Variants in AGAP3 observed in about 807,000 individuals in gnomAD.
The protein encoded by AGAP3 is ArfGAP with GTPase domain, ankyrin repeat and PH domain 3.
A neutral mutation model predicts 96.9 loss-of-function variants in AGAP3; 24 were observed. That is an observed-to-expected ratio of 0.25 (90% CI 0.18 to 0.35). AGAP3 has a LOEUF of 0.35. AGAP3 is among the 10% of genes least tolerant of loss of function. AGAP3 has a pLI of 1.00. For synonymous variants in AGAP3, 563 were observed against 536.1 expected (o/e 1.05, Z -0.69); for missense variants, 876 against 1,254.2 (o/e 0.70, Z 4.55).
intron 1 of AGAP3, among the ~76,000 whole-genome samples, chr7:151,109,268 C>T (rs138757409): frequency 6.6e-6 from 1 of 152,182 alleles, no homozygotes; most frequent in East Asian, 1.9e-4. Flanking sequence ...GAGGCCGAGG[C>T]AGGAGGATTG....
In AGAP3 at chr7:151,138,217, C is replaced by A; in HGVS notation, c.1570C>A (p.Arg524Ser). 6.2e-7 allele frequency: 1 copy of A among 1,611,958 alleles called. No homozygotes were observed. The highest frequency in any genetic ancestry group is 8.5e-7 in the Non-Finnish European group (1 of 1,179,518). The change falls in exon 12 of 18, where the codon CGC becomes AGC. Residue 524 changes from arginine (R) to serine (S), a missense_variant. Physicochemically the swap from Arg to Ser is moderately radical, Grantham distance 110. Transcript: ENST00000397238. Reference protein sequence around the residue: ...PLSSSAWAGPRPEGLHQRSCS... With the variant: ...PLSSSAWAGPSPEGLHQRSCS... The stretch of plus-strand genomic sequence containing the variant: ...CAGCAGCTCGGCCTGGGCTGGCCCG[C>A]GCCCTGAGGGGCTGCACCAGCGCTC...
chr7:151,124,221 G>A (rs563516480), intron 9 of AGAP3, among the ~76,000 whole-genome samples: 1 of 152,346 alleles, frequency 6.6e-6, no homozygotes, highest in East Asian at 1.9e-4. Context: ...TAAGGAAAAT[G>A]AGCAACCCGA....
chr7:151,134,857 C>T (rs548273443), intron 11 of AGAP3, among the ~76,000 whole-genome samples: 4 of 152,104 alleles, frequency 2.6e-5, no homozygotes, highest in East Asian at 3.9e-4. Context: ...CATCTGGATC[C>T]GAGGCAGGCG....
intron 11 of AGAP3, among the ~76,000 whole-genome samples, chr7:151,137,453 C>T (rs1800643518): frequency 6.6e-6 from 1 of 152,212 alleles, no homozygotes; most frequent in Non-Finnish European, 1.5e-5. Flanking sequence ...GGCCTTGTAC[C>T]ACAGGCCTCT....
At position 151,118,116 on chromosome 7, in the gene AGAP3, C is replaced by T; in HGVS notation, c.707-94C>T. 1.3e-6 allele frequency: 2 copies of T among 1,495,394 alleles called. No homozygotes were observed. Among genetic ancestry groups the T allele is most frequent in the African/African-American group, 2.8e-5 (2 of 71,672 alleles). 92.6% of individuals were successfully genotyped at this position (1,495,394 alleles called of 1,614,324 possible). On this transcript the variant is annotated intron_variant, in intron 5 of 17. Transcript: ENST00000397238. This position sits in a 1 kb window ranked among gnomAD's most constrained non-coding sequence, Gnocchi z 6.1. ...GCTCTGTGTGTTCCACTCACCAGGC[C>T]CTTTGCACACCTGCCCTTGGGCCAA...
At chr7:151,122,830 G>C in intron 8 of AGAP3, 1 of 1,612,362 alleles carries the variant, frequency 6.2e-7, no homozygotes. Context: ...CATGCCCCCT[G>C]TGCGGGGCCG....
In AGAP3 at chr7:151,123,361, G is replaced by A. The variant is rs1800007398; in HGVS notation, c.1129-433G>A. 3.8e-6 allele frequency: 4 copies of A among 1,044,566 alleles called. No homozygotes were observed. In the South Asian group the frequency reaches 1.0e-4, roughly 27 times the overall value. 64.7% of individuals were successfully genotyped at this position (1,044,566 alleles called of 1,614,324 possible). A position where few individuals can be genotyped will look rare whatever the true frequency, so the allele number is the denominator to read the frequency against. On this transcript the variant is annotated intron_variant, in intron 8 of 17. Transcript: ENST00000397238. ...ACTGTGCCCCTTGGGCCACGCCGAC[G>A]CGCTCGGTGCCACGTGCCGTGTGGT...
intron 10 of AGAP3, among the ~76,000 whole-genome samples, chr7:151,129,921 G>A (rs989175521): frequency 3.3e-5 from 5 of 152,340 alleles, no homozygotes; most frequent in Admixed American, 2.0e-4. Flanking sequence ...CTGTTGAAAG[G>A]CTCCAAGGCT....
At chr7:151,094,065 TGTGGGGA>T (rs755038326) in intron 1 of AGAP3, among the ~76,000 whole-genome samples, 95 of 152,272 alleles carry the variant, frequency 6.2e-4, no homozygotes, top group Non-Finnish European at 9.4e-4. Context: ...GAAGAGATCC[TGTGGGGA>T]GAGGTGAGAT....
At chr7:151,122,591 T>A in intron 8 of AGAP3, 1 of 971,682 alleles carries the variant, frequency 1.0e-6, no homozygotes, top group Non-Finnish European at 1.5e-6. Context: ...GTCCTTCTCC[T>A]CCTCCTCCTC....
In AGAP3 at chr7:151,142,202, G is replaced by A. The variant is rs1383882244; in HGVS notation, c.1999G>A (p.Ala667Thr). The A allele has an allele frequency of 9.3e-6, 15 of 1,613,718 alleles. No individual in the cohort carries two copies. Among genetic ancestry groups the A allele is most frequent in the Non-Finnish European group, 1.3e-5 (15 of 1,180,010 alleles). Reference sequence around the variant, plus strand: ...CCAGAACGCAGCTCTGGCTGTGCAGGCCGTCCGCACCGTCCGCGGCAACAG... The same window carrying A: ...CCAGAACGCAGCTCTGGCTGTGCAGACCGTCCGCACCGTCCGCGGCAACAG... ...GNQNAALAVQ[A>T]VRTVRGNSFC... The change falls in exon 15 of 18, where the codon GCC becomes ACC. Residue 667 changes from alanine to threonine, a missense_variant. Transcript: ENST00000397238. This position sits in a 1 kb window ranked among gnomAD's most constrained non-coding sequence, Gnocchi z 7.5.
At position 151,132,135 on chromosome 7, in the gene AGAP3, G is replaced by A. The variant is rs77913227; in HGVS notation, c.1327-2265G>A. Reference sequence around the variant, plus strand: ...CGGGGCCAGTGGCCTGCAGCCCAGGGTGCTGGAGAAGGATGGATGGAGGTA... The same window carrying A: ...CGGGGCCAGTGGCCTGCAGCCCAGGATGCTGGAGAAGGATGGATGGAGGTA... On this transcript the variant is annotated intron_variant, in intron 10 of 17. Transcript: ENST00000397238. Among the ~76,000 whole-genome samples, 1,475 of 152,302 alleles carry A rather than the reference G, an allele frequency of 9.7e-3. 50 individuals carry two copies. In the East Asian group the frequency reaches 0.11, roughly 11 times the overall value.
At chr7:151,088,657 A>T (rs1427091553) in intron 1 of AGAP3, among the ~76,000 whole-genome samples, 2 of 152,178 alleles carry the variant, frequency 1.3e-5, no homozygotes, top group Non-Finnish European at 2.9e-5. Context: ...GTGGGGGCAC[A>T]TCTGCTTCCG....
At chr7:151,102,197 G>A (rs1222733061) in intron 1 of AGAP3, among the ~76,000 whole-genome samples, 2 of 152,226 alleles carry the variant, frequency 1.3e-5, no homozygotes, top group Non-Finnish European at 2.9e-5. Flanking sequence ...TGGCGAGCAG[G>A]TTTCTGCGCA....
At chr7:151,103,886 C>T (rs576492922) in intron 1 of AGAP3, among the ~76,000 whole-genome samples, 169 of 152,310 alleles carry the variant, frequency 1.1e-3, no homozygotes, top group African/African-American at 3.9e-3. Flanking sequence ...GGCTGGCTGG[C>T]GCTGGGTGTT....
At position 151,086,478 on chromosome 7, in the gene AGAP3, G is replaced by A. The variant is rs1798146869; in HGVS notation, c.-264G>A. Among the ~76,000 whole-genome samples, 1 of 147,732 alleles carries A rather than the reference G, an allele frequency of 6.8e-6. No homozygotes were observed. The highest frequency in any genetic ancestry group is 2.1e-4 in the South Asian group (1 of 4,826). On this transcript the variant is annotated 5_prime_UTR_variant, in exon 1 of 18. Transcript: ENST00000397238. ...GCCGCGCGCTCCCGGTCCCGTTGTTGTTGCCGCTGGAGGCTGCTCCGAGGC... is the reference window on the plus strand; with the variant it reads ...GCCGCGCGCTCCCGGTCCCGTTGTTATTGCCGCTGGAGGCTGCTCCGAGGC...
At chr7:151,107,620 T>G (rs1156938659) in intron 1 of AGAP3, among the ~76,000 whole-genome samples, 5 of 151,598 alleles carry the variant, frequency 3.3e-5, no homozygotes, top group Non-Finnish European at 5.9e-5. Flanking sequence ...TGAGACCGTC[T>G]CAAAAAAATT....
At chr7:151,110,184 C>T (rs1585059517) in intron 1 of AGAP3, among the ~76,000 whole-genome samples, 3 of 152,220 alleles carry the variant, frequency 2.0e-5, no homozygotes, top group Admixed American at 1.3e-4. Context: ...GCCTTCCTCC[C>T]CACAAAGAGG....
At chr7:151,122,088 C>G (rs1161948225) in intron 8 of AGAP3, among the ~76,000 whole-genome samples, 1 of 152,220 alleles carries the variant, frequency 6.6e-6, no homozygotes, top group Non-Finnish European at 1.5e-5. Context: ...TGGTCGGGGC[C>G]TCTTGGCTCA....
Sources: allele counts gnomAD v4.1 joint callset (sites outside exome capture counted in the v4.1 genomes callset), GRCh38; gene constraint gnomAD v4.1.1; non-coding constraint Gnocchi (gnomAD v3.1); transcripts MANE v1.5; gene names NCBI Gene and HGNC (gene_info 2026-07-23, HGNC 2026-07-21).